Variants in SATB2 observed in about 807,000 individuals in gnomAD.
SATB2 encodes DNA-binding protein SATB2.
A neutral mutation model predicts 73.4 loss-of-function variants in SATB2; 1 was observed. That is an observed-to-expected ratio of 0.01 (90% CI 0.00 to 0.06). The LOEUF (loss-of-function observed/expected upper bound fraction) is 0.06. Among genes scored for constraint, SATB2 ranks in the 10% least tolerant of loss-of-function variants. SATB2 has a pLI of 1.00. For missense variants in SATB2, 459 were observed against 945.8 expected (o/e 0.49, Z 6.75); for synonymous variants, 397 against 367.0 (o/e 1.08, Z -0.93).
intron 3 of SATB2, among the ~76,000 whole-genome samples, chr2:199,388,922 T>A (rs569696243): frequency 4.3e-4 from 66 of 152,196 alleles, no homozygotes; most frequent in Non-Finnish European, 8.2e-4. Flanking sequence ...TGTGTTCATA[T>A]GCTATAGCAT....
At chr2:199,289,005 A>G (rs1216214289) in intron 10 of SATB2, among the ~76,000 whole-genome samples, 2 of 152,218 alleles carry the variant, frequency 1.3e-5, no homozygotes, top group Non-Finnish European at 2.9e-5. Flanking sequence ...ATTTAATTTC[A>G]TCAGAGACTG....
At chr2:199,348,453 T>A in intron 7 of SATB2, 2 of 505,598 alleles carry the variant, frequency 4.0e-6, no homozygotes, top group South Asian at 4.2e-5. Flanking sequence ...TTAGTAACAT[T>A]TGGGGTCCTG....
At chr2:199,380,581 G>A (rs1414683452) in intron 4 of SATB2, 94 bp from the exon 5 acceptor site, 1 of 1,476,872 alleles carries the variant, frequency 6.8e-7, no homozygotes, top group Non-Finnish European at 9.3e-7. Context: ...TGGGTCTTGT[G>A]GGAGCTTCAG....
exon 1 of SATB2, chr2:199,465,074 G>C (rs1178343849): frequency 1.3e-5 from 2 of 152,178 alleles, no homozygotes; most frequent in Non-Finnish European, 2.9e-5. Flanking sequence ...ACCTAAGCTC[G>C]AGTTCGACTT....
intron 10 of SATB2, among the ~76,000 whole-genome samples, chr2:199,276,095 C>A (rs1202526211): frequency 6.6e-6 from 1 of 152,170 alleles, no homozygotes; most frequent in African/African-American, 2.4e-5. Flanking sequence ...GCTAAGAATC[C>A]TTCCTAATAC....
intron 3 of SATB2, among the ~76,000 whole-genome samples, chr2:199,415,740 T>C (rs1233548213): frequency 6.6e-6 from 1 of 152,222 alleles, no homozygotes; most frequent in Non-Finnish European, 1.5e-5. Context: ...AAGGGTCTAC[T>C]GTGGCCACGC....
Position 199,308,199 on chromosome 2 carries a change from G to A in SATB2, c.1740+561C>T, listed in dbSNP as rs887053741. Among the ~76,000 whole-genome samples, 2 of 152,100 alleles carry A rather than the reference G, an allele frequency of 1.3e-5. No homozygotes were observed. The highest frequency in any genetic ancestry group is 4.8e-5 in the African/African-American group (2 of 41,392). ...AGCCAACAAAACACGCAATCCAAAG[G>A]AAGGCAGATTTCTAAATGAGATGTA... is the stretch of plus-strand genomic sequence containing the variant. On this transcript the variant is annotated intron_variant, in intron 10 of 10. Coordinates refer to ENST00000417098, the MANE Select transcript of SATB2 (RefSeq NM_001172509.2). This position sits in a 1 kb window ranked among gnomAD's most constrained non-coding sequence, Gnocchi z 4.6.
At chr2:199,298,838 G>A (rs1183401767) in intron 10 of SATB2, among the ~76,000 whole-genome samples, 1 of 152,202 alleles carries the variant, frequency 6.6e-6, no homozygotes, top group Non-Finnish European at 1.5e-5. Context: ...CTTCTGCAAT[G>A]ACGATGACTA....
chr2:199,415,255 G>GT (rs1490167420), intron 3 of SATB2, among the ~76,000 whole-genome samples: 2 of 152,190 alleles, frequency 1.3e-5, no homozygotes, highest in Non-Finnish European at 2.9e-5. Flanking sequence ...GAGAATAGTT[G>GT]TAAGCTTGTT....
chr2:199,336,872 G>C (rs1193098614), intron 7 of SATB2, among the ~76,000 whole-genome samples: 2 of 152,138 alleles, frequency 1.3e-5, no homozygotes, highest in Non-Finnish European at 2.9e-5. Flanking sequence ...AACTGGACAA[G>C]TATCAATTAA....
At chr2:199,467,627 C>T (rs1292293062), upstream of SATB2, 1 of 152,396 alleles carries the variant, frequency 6.6e-6, no homozygotes, top group East Asian at 1.9e-4. Flanking sequence ...CCAGCTGCAC[C>T]CACTAGCACA....
At chr2:199,278,177 A>C (rs1692375464) in intron 10 of SATB2, among the ~76,000 whole-genome samples, 1 of 152,218 alleles carries the variant, frequency 6.6e-6, no homozygotes, top group South Asian at 2.1e-4. Flanking sequence ...CCCAGGCATG[A>C]AGATGTGAAG....
chr2:199,332,997 C>A (rs535587642), intron 7 of SATB2, among the ~76,000 whole-genome samples: 20 of 152,172 alleles, frequency 1.3e-4, no homozygotes, highest in African/African-American at 4.8e-4. Flanking sequence ...AAAGTCATTA[C>A]TGACTAGATT....
At chr2:199,317,480 G>A (rs1431968494) in intron 9 of SATB2, among the ~76,000 whole-genome samples, 1 of 151,984 alleles carries the variant, frequency 6.6e-6, no homozygotes, top group Non-Finnish European at 1.5e-5. Context: ...GCAAAATAAT[G>A]AACTCAAAGG....
intron 10 of SATB2, among the ~76,000 whole-genome samples, chr2:199,279,353 G>A (rs1011908701): frequency 2.0e-5 from 3 of 152,164 alleles, no homozygotes; most frequent in African/African-American, 7.2e-5. Flanking sequence ...GTGTTCAAAT[G>A]GATTCTGAAG....
intron 3 of SATB2, among the ~76,000 whole-genome samples, chr2:199,413,578 C>CTT (rs764141695): frequency 7.7e-5 from 10 of 129,382 alleles, no homozygotes; most frequent in East Asian, 4.9e-4. Context: ...TAGAGAGTCG[C>CTT]TTTTTTTTTT....
At chr2:199,462,921 G>C (rs1249707874), upstream of SATB2, among the ~76,000 whole-genome samples, 5 of 152,214 alleles carry the variant, frequency 3.3e-5, no homozygotes, top group African/African-American at 1.2e-4. The surrounding 1 kb of genome is among the most constrained non-coding windows in gnomAD (Gnocchi z 5.9). Context: ...TGCCAAGGTC[G>C]GCCCAGGAGC....
chr2:199,464,433 GCACACA>G lies in SATB2; in HGVS notation c.-141+397_-141+402del, dbSNP rs148806110. Among the ~76,000 whole-genome samples the G allele has an allele frequency of 1.4e-3, 209 of 149,466 alleles. 1 individual carries two copies. Among genetic ancestry groups the G allele is most frequent in the African/African-American group, 4.7e-3 (194 of 41,080 alleles). ...CACCACCATTTCCACGCGCGCGCGCGCACACACACACACACACACACAGAGGGACTT... is the reference window on the plus strand; with the variant it reads ...CACCACCATTTCCACGCGCGCGCGCGCACACACACACACACAGAGGGACTT... On this transcript the variant is annotated intron_variant, in intron 1 of 11. Transcript: ENST00000260926. This position sits in a 1 kb window ranked among gnomAD's most constrained non-coding sequence, Gnocchi z 6.6.
intron 3 of SATB2, chr2:199,423,621 A>AC (rs1303816432): frequency 6.6e-6 from 1 of 152,044 alleles, no homozygotes; most frequent in Non-Finnish European, 1.5e-5. Flanking sequence ...AAGTCTCTTC[A>AC]CCCCCTTAAG....
Sources: gnomAD v4.1 joint callset for allele counts (sites outside exome capture counted in the v4.1 genomes callset) on GRCh38, gnomAD v4.1.1 for gene constraint, Gnocchi (gnomAD v3.1) non-coding constraint, MANE v1.5 for transcripts, NCBI Gene and HGNC (gene_info 2026-07-23, HGNC 2026-07-21) for gene names.